The following PMFBP1 variants were observed in gnomAD, a reference collection of about 807,000 sequenced individuals.
The protein encoded by PMFBP1 is polyamine modulated factor 1 binding protein 1.
In PMFBP1, 131 loss-of-function variants were observed where a neutral mutation model predicts 137.8. The ratio of observed to expected loss-of-function variants is 0.95; its 90% CI spans 0.82 to 1.10. The LOEUF (loss-of-function observed/expected upper bound fraction) is 1.10, where lower values mean the gene tolerates loss of function less well. Ranked by LOEUF, PMFBP1 falls within the 50% of genes least tolerant of loss-of-function variation. The probability of loss-of-function intolerance (pLI) is 0.00; values close to 1 mark genes in which losing one functional copy is unlikely to be tolerated. For missense variants in PMFBP1, 1,199 were observed against 1,175.4 expected, an observed-to-expected ratio of 1.02 and a Z score of -0.29; for synonymous variants, 490 against 450.4, an observed-to-expected ratio of 1.09 and a Z score of -1.11.
chr16:72,134,495 T>A (rs1052109224), intron 9 of PMFBP1, among the ~76,000 whole-genome samples: 2 of 152,150 alleles, frequency 1.3e-5, no homozygotes, highest in Admixed American at 1.3e-4. Flanking sequence ...GAGAGGGGGA[T>A]CTTAAAAGTG....
At chr16:72,188,448 T>C in the PMFBP1 span, among the ~76,000 whole-genome samples, 1 of 152,222 alleles carries the variant, frequency 6.6e-6, no homozygotes, top group Non-Finnish European at 1.5e-5. Flanking sequence ...GGTGGGTGGA[T>C]TGAGCGCATT....
At chr16:72,200,173 G>C in the PMFBP1 span, among the ~76,000 whole-genome samples, 1 of 152,246 alleles carries the variant, frequency 6.6e-6, no homozygotes, top group Non-Finnish European at 1.5e-5. Context: ...CAGAGCAGAG[G>C]AGCAGGGTGA....
At chr16:72,208,973 A>G in the PMFBP1 span, among the ~76,000 whole-genome samples, 2 of 152,140 alleles carry the variant, frequency 1.3e-5, no homozygotes, top group African/African-American at 4.8e-5. Flanking sequence ...GAGTGATGAA[A>G]TCCTTTTTGA....
chr16:72,183,616 T>C, the PMFBP1 span, among the ~76,000 whole-genome samples: 1 of 152,256 alleles, frequency 6.6e-6, no homozygotes, highest in Middle Eastern at 3.4e-3. Flanking sequence ...CCTGCAATGA[T>C]GCTATTTCCA....
At chr16:72,184,883 A>G in the PMFBP1 span, among the ~76,000 whole-genome samples, 1 of 152,168 alleles carries the variant, frequency 6.6e-6, no homozygotes, top group Non-Finnish European at 1.5e-5. Flanking sequence ...CCTCAACCCC[A>G]ATACTACTGC....
At chr16:72,123,764 C>T (rs2042412181) in intron 17 of PMFBP1, 115 bp from the exon 18 acceptor site, 1 of 908,492 alleles carries the variant, frequency 1.1e-6, no homozygotes, top group South Asian at 1.7e-5. Flanking sequence ...ACTCTGCTGT[C>T]CAACCCGAGG....
chr16:72,201,149 T>C, the PMFBP1 span, among the ~76,000 whole-genome samples: 1 of 152,006 alleles, frequency 6.6e-6, no homozygotes. Context: ...TCCCAGCTCT[T>C]CCCCCCTCCC....
chr16:72,149,736 T>C (rs971205001), intron 5 of PMFBP1, among the ~76,000 whole-genome samples: 2 of 152,054 alleles, frequency 1.3e-5, no homozygotes, highest in African/African-American at 4.8e-5. Flanking sequence ...GTCAGGAGAA[T>C]CACTTGAACC....
rs1336656501 is a variant in PMFBP1 at position 72,130,636 on chromosome 16, G to A, written c.1534C>T (p.Leu512Phe). 3 of 1,613,834 alleles carry A rather than the reference G, an allele frequency of 1.9e-6. No individual in the cohort carries two copies. The highest frequency in any genetic ancestry group is 1.7e-5 in the Admixed American group (1 of 59,986). Reference protein sequence around the residue: ...DTQRKLQKGLLLDKQKADTIQ... With the variant: ...DTQRKLQKGLFLDKQKADTIQ... ...GTGTCTGCCTTCTGCTTGTCCAGGAGGAGACCCTTCTGCAGTTTCCTCTGG... is the reference window on the plus strand; with the variant it reads ...GTGTCTGCCTTCTGCTTGTCCAGGAAGAGACCCTTCTGCAGTTTCCTCTGG... Residue 512 changes from leucine to phenylalanine, a missense_variant, in exon 11 of 21, where the codon CTC becomes TTC. By Grantham distance (22) the Leu-to-Phe change is conservative (BLOSUM62 0). Transcript: ENST00000237353.
At chr16:72,208,021 C>T in the PMFBP1 span, among the ~76,000 whole-genome samples, 3 of 152,222 alleles carry the variant, frequency 2.0e-5, no homozygotes, top group African/African-American at 7.2e-5. Flanking sequence ...GCAGGAGAAG[C>T]TCCCTCTTGG....
Position 72,140,510 on chromosome 16 carries a change from C to T in PMFBP1, c.709G>A (p.Glu237Lys). 6 of 1,613,154 alleles carry T rather than the reference C, an allele frequency of 3.7e-6. No homozygotes were observed. Among genetic ancestry groups the T allele is most frequent in the South Asian group, 1.1e-5 (1 of 91,056 alleles). The part of the protein sequence containing the change: ...TSPCMIQEHQ[E>K]TQKRLSEVWQ... Reference sequence around the variant, plus strand: ...ACTTCAGACAGTCGTTTCTGAGTCTCCTGATGCTCTTGAATCATGCAAGGA... The same window carrying T: ...ACTTCAGACAGTCGTTTCTGAGTCTTCTGATGCTCTTGAATCATGCAAGGA... Residue 237 changes from glutamate to lysine, a missense_variant, in exon 6 of 21, where the codon GAG (glutamate) becomes AAG (lysine). By Grantham distance (56) the Glu-to-Lys change is moderately conservative (BLOSUM62 1). Coordinates refer to ENST00000237353, the MANE Select transcript of PMFBP1 (RefSeq NM_031293.3).
chr16:72,135,057 C>T (rs1210969978), intron 9 of PMFBP1, among the ~76,000 whole-genome samples: 1 of 152,188 alleles, frequency 6.6e-6, no homozygotes, highest in Non-Finnish European at 1.5e-5. Context: ...ACTGTTTACG[C>T]AGACTCCGTG....
At chr16:72,216,374 T>C in the PMFBP1 span, among the ~76,000 whole-genome samples, 1 of 152,136 alleles carries the variant, frequency 6.6e-6, no homozygotes, top group Non-Finnish European at 1.5e-5. Context: ...AGTGAAACAA[T>C]GCCATAATAA....
At chr16:72,166,607 C>T (rs1233491459) in intron 2 of PMFBP1, among the ~76,000 whole-genome samples, 1 of 152,154 alleles carries the variant, frequency 6.6e-6, no homozygotes, top group Non-Finnish European at 1.5e-5. Context: ...GGAAGCAGGA[C>T]AGGGAAGGGG....
chr16:72,210,943 C>G, the PMFBP1 span, among the ~76,000 whole-genome samples: 1 of 152,178 alleles, frequency 6.6e-6, no homozygotes, highest in African/African-American at 2.4e-5. Flanking sequence ...TTCCATATGC[C>G]AGAAGGGGCT....
At chr16:72,229,469 C>T in the PMFBP1 span, among the ~76,000 whole-genome samples, 1 of 152,198 alleles carries the variant, frequency 6.6e-6, no homozygotes, top group East Asian at 1.9e-4. Flanking sequence ...TACATTCCCA[C>T]AGCAGTGCAT....
the PMFBP1 span, among the ~76,000 whole-genome samples, chr16:72,187,342 T>C: frequency 1.3e-5 from 2 of 152,180 alleles, no homozygotes; most frequent in Non-Finnish European, 2.9e-5. Flanking sequence ...ACTCATTGGG[T>C]TAAAGCTGTC....
At chr16:72,225,707 T>TTTATTATTA in the PMFBP1 span, among the ~76,000 whole-genome samples, 2 of 123,394 alleles carry the variant, frequency 1.6e-5, no homozygotes, top group Admixed American at 1.9e-4. Flanking sequence ...AATGAGACTG[T>TTTATTATTA]TTATAATAAT....
intron 4 of PMFBP1, among the ~76,000 whole-genome samples, chr16:72,153,635 C>T (rs1330249084): frequency 2.0e-5 from 3 of 151,332 alleles, no homozygotes; most frequent in East Asian, 3.9e-4. Context: ...AAAATACCAC[C>T]CTGGAACATG....
Sources: allele counts gnomAD v4.1 joint callset (sites outside exome capture counted in the v4.1 genomes callset), GRCh38; gene constraint gnomAD v4.1.1; transcripts MANE v1.5; gene names NCBI Gene and HGNC (gene_info 2026-07-23, HGNC 2026-07-21).